Variants in SMYD1 observed in about 807,000 individuals in gnomAD.
SMYD1 encodes the protein SET and MYND domain containing 1.
SMYD1 carries 49 observed loss-of-function variants against 54.0 expected under a neutral mutation model. The observed-to-expected ratio is 0.91, with a 90% CI of 0.72 to 1.15. The LOEUF (loss-of-function observed/expected upper bound fraction) is 1.15. Among genes scored for constraint, SMYD1 ranks in the 50% most tolerant of loss-of-function variants. The probability of loss-of-function intolerance (pLI) is 0.00; values close to 1 mark genes in which losing one functional copy is unlikely to be tolerated. For synonymous variants in SMYD1, 269 were observed against 234.2 expected (o/e 1.15, Z -1.36); for missense variants, 653 against 639.6 (o/e 1.02, Z -0.23).
chr2:88,089,107 G>A (rs1674405952), intron 3 of SMYD1, among the ~76,000 whole-genome samples: 1 of 152,208 alleles, frequency 6.6e-6, no homozygotes, highest in Non-Finnish European at 1.5e-5. Context: ...AAATCTGCAA[G>A]GTAGGCCATC....
chr2:88,075,534 CTTTT>C (rs35091980), intron 1 of SMYD1, among the ~76,000 whole-genome samples: 10 of 103,540 alleles, frequency 9.7e-5, no homozygotes, highest in Admixed American at 2.3e-4. Flanking sequence ...CCTTTTAATT[CTTTT>C]TTTTTTTTTT....
chr2:88,091,161 G>T lies in SMYD1; in HGVS notation c.659+19G>T. On this transcript the variant is annotated intron_variant, in intron 4 of 9. Transcript: ENST00000419482. Reference sequence around the variant, plus strand: ...ATGGCAAGTGAGTATGTCTTTATGTGGGGGTGTGTGTGAAGGGGATGGGGA... The same window carrying T: ...ATGGCAAGTGAGTATGTCTTTATGTTGGGGTGTGTGTGAAGGGGATGGGGA... 1 of 1,610,956 alleles carries T rather than the reference G, an allele frequency of 6.2e-7. No homozygotes were observed. The highest frequency in any genetic ancestry group is 1.3e-5 in the African/African-American group (1 of 74,988).
intron 2 of SMYD1, among the ~76,000 whole-genome samples, chr2:88,084,738 T>TC (rs35625075): frequency 0.016 from 2,499 of 152,214 alleles, 53 homozygotes; most frequent in Admixed American, 0.053. Flanking sequence ...TCTGTAGGGC[T>TC]CCCCAATGTT....
intron 2 of SMYD1, 118 bp from the exon 3 acceptor site, chr2:88,087,744 A>T: frequency 2.3e-6 from 2 of 853,774 alleles, no homozygotes; most frequent in Non-Finnish European, 3.6e-6. Flanking sequence ...CCATCCATCT[A>T]GTTTAAAAAC....
At chr2:88,102,184 G>T (rs894199) in intron 6 of SMYD1, among the ~76,000 whole-genome samples, 32,498 of 151,588 alleles carry the variant, frequency 0.21, 3,597 homozygotes, top group Non-Finnish European at 0.25. Flanking sequence ...TAAAAGATTT[G>T]CTTAAGCAAA....
rs1478053210 is a variant in SMYD1 at position 88,111,564 on chromosome 2, G to A, written c.*1052G>A. On this transcript the variant is annotated 3_prime_UTR_variant, in exon 10 of 10. Coordinates refer to ENST00000419482, the MANE Select transcript of SMYD1 (RefSeq NM_198274.4). The stretch of plus-strand genomic sequence containing the variant: ...ATACTGAATAATTATTACTTCCCTT[G>A]TTGAGTTTCTTTTTCTGTCATGCCC... 1 of 154,442 alleles carries A rather than the reference G, an allele frequency of 6.5e-6. No homozygotes were observed. Among genetic ancestry groups the A allele is most frequent in the African/African-American group, 2.4e-5 (1 of 41,454 alleles). The allele number at this position is 154,442 out of a possible 1,614,324, so 9.6% of individuals were successfully genotyped here.
rs1358948322 is a variant in SMYD1, at chr2:88,112,910, C to G, written c.*2398C>G. 6.6e-6 allele frequency: 1 copy of G among 152,246 alleles called. No homozygotes were observed. Among genetic ancestry groups the G allele is most frequent in the Non-Finnish European group, 1.5e-5 (1 of 68,092 alleles). The allele number at this position is 152,246 out of a possible 1,614,324, so 9.4% of individuals were successfully genotyped here. A position where few individuals can be genotyped will look rare whatever the true frequency, so the allele number is the denominator to read the frequency against. ...ATTCTCATGTCATTCTGCACACAGT[C>G]TCTGCATGAACTCAGGCAGACCCTT... On this transcript the variant is annotated 3_prime_UTR_variant, in exon 10 of 10. Transcript: ENST00000419482.
intron 4 of SMYD1, 94 bp downstream of exon 4, chr2:88,091,236 A>G (rs1253698693): frequency 1.5e-6 from 2 of 1,361,244 alleles, no homozygotes; most frequent in Non-Finnish European, 2.0e-6. Flanking sequence ...AACCTGCTAA[A>G]CCTGAACTAG....
rs769481343 is a variant in SMYD1 at position 88,106,452 on chromosome 2, C to A, written c.1109C>A (p.Ala370Asp). 7 of 1,613,972 alleles carry A rather than the reference C, an allele frequency of 4.3e-6. No homozygotes were observed. In the South Asian group the frequency reaches 5.5e-5, roughly 13 times the overall value. The change falls in exon 8 of 10, where the codon GCC (alanine) becomes GAC (aspartate). Residue 370 changes from alanine (A) to aspartate (D), a missense_variant. Coordinates refer to ENST00000419482, the MANE Select transcript of SMYD1 (RefSeq NM_198274.4). ...VLSYLQAFEE[A>D]SFYARRMVDG... ...TCCTACCTCCAGGCCTTTGAGGAGG[C>A]CTCGTTCTATGCCAGGAGGATGGTG...
chr2:88,107,452 T>G (rs1234780773), intron 8 of SMYD1, among the ~76,000 whole-genome samples: 1 of 152,226 alleles, frequency 6.6e-6, no homozygotes, highest in African/African-American at 2.4e-5. Context: ...AAATTATTTT[T>G]TTCTCCCTTG....
chr2:88,103,977 T>A (rs1335473859), intron 7 of SMYD1, among the ~76,000 whole-genome samples: 1 of 151,578 alleles, frequency 6.6e-6, no homozygotes, highest in East Asian at 1.9e-4. Context: ...TTCTTTTTTT[T>A]TTTTTTTGAG....
intron 6 of SMYD1, among the ~76,000 whole-genome samples, chr2:88,097,732 A>G (rs1401565052): frequency 1.3e-5 from 2 of 152,154 alleles, no homozygotes; most frequent in Non-Finnish European, 2.9e-5. Flanking sequence ...CTAGACTTCA[A>G]CATATGAATT....
At chr2:88,073,873 G>C (rs752229636) in intron 1 of SMYD1, among the ~76,000 whole-genome samples, 1 of 152,072 alleles carries the variant, frequency 6.6e-6, no homozygotes, top group Non-Finnish European at 1.5e-5. Flanking sequence ...TTTATGAATT[G>C]TTGTTTTCTT....
chr2:88,097,819 A>G (rs1674628651), intron 6 of SMYD1, among the ~76,000 whole-genome samples: 1 of 151,708 alleles, frequency 6.6e-6, no homozygotes, highest in African/African-American at 2.4e-5. Context: ...ACACACACAC[A>G]CACATGCACA....
chr2:88,094,848 A>C lies in SMYD1; in HGVS notation c.698+1293A>C, dbSNP rs112151595. Among the ~76,000 whole-genome samples the C allele has an allele frequency of 3.1e-3, 457 of 145,748 alleles. 4 individuals are homozygous for C. Among genetic ancestry groups the C allele is most frequent in the African/African-American group, 0.011 (416 of 39,356 alleles). On this transcript the variant is annotated intron_variant, in intron 5 of 9. Transcript: ENST00000419482. ...TGGGGGCAGAATTGGTTACTTACCC[A>C]ACAGAGTTAAACACCAGAGATCCAC...
chr2:88,074,330 C>T (rs1031466310), intron 1 of SMYD1, among the ~76,000 whole-genome samples: 13 of 152,220 alleles, frequency 8.5e-5, no homozygotes, highest in African/African-American at 2.9e-4. Context: ...TTCCTTGGCT[C>T]ATGGCCCCCT....
chr2:88,093,263 GA>G (rs745833705), intron 4 of SMYD1, among the ~76,000 whole-genome samples: 2 of 152,210 alleles, frequency 1.3e-5, no homozygotes, highest in African/African-American at 2.4e-5. Context: ...GAAACACAGG[GA>G]AGGGAAGGAA....
In SMYD1 at chr2:88,096,785, G is replaced by A. The variant is rs780365213; in HGVS notation, c.888+1G>A. 1 of 1,612,074 alleles carries A rather than the reference G, an allele frequency of 6.2e-7. No individual in the cohort carries two copies. The highest frequency in any genetic ancestry group is 2.2e-5 in the East Asian group (1 of 44,880). On this transcript the variant is annotated splice_donor_variant, in intron 6 of 9. Transcript: ENST00000419482. LOFTEE classifies it high-confidence loss of function. Reference sequence around the variant, plus strand: ...CCTGGGGGTGAAAGACAACCCCAAGGTACACACAGCCCTGCTGCTGAGGTG... The same window carrying A: ...CCTGGGGGTGAAAGACAACCCCAAGATACACACAGCCCTGCTGCTGAGGTG...
intron 1 of SMYD1, among the ~76,000 whole-genome samples, chr2:88,076,276 G>A (rs1674060189): frequency 6.6e-6 from 1 of 152,132 alleles, no homozygotes; most frequent in South Asian, 2.1e-4. Context: ...GTGCAGTGGC[G>A]TGATTTCGGC....
Sources: gnomAD v4.1 joint callset for allele counts (sites outside exome capture counted in the v4.1 genomes callset) on GRCh38, gnomAD v4.1.1 for gene constraint, MANE v1.5 for transcripts, NCBI Gene and HGNC (gene_info 2026-07-23, HGNC 2026-07-21) for gene names.